Variants in CDC42 observed in about 807,000 individuals in gnomAD.
CDC42 encodes cell division control protein 42 homolog.
CDC42 carries 1 observed loss-of-function variant against 20.8 expected under a neutral mutation model. That is an observed-to-expected ratio of 0.05 (90% CI 0.02 to 0.23). CDC42 has a LOEUF of 0.23. Ranked by LOEUF, CDC42 falls within the 10% of genes least tolerant of loss-of-function variation. The pLI is 1.00. For missense variants in CDC42, 49 were observed against 227.9 expected (o/e 0.21, Z 5.05); for synonymous variants, 72 against 84.8 (o/e 0.85, Z 0.83).
Position 22,097,651 on chromosome 1 carries a change from G to A in CDC42, c.*6134G>A, listed in dbSNP as rs1645766515. Among the ~76,000 whole-genome samples, 1 of 152,208 alleles carries A rather than the reference G, an allele frequency of 6.6e-6. No individual in the cohort carries two copies. Among genetic ancestry groups the A allele is most frequent in the Non-Finnish European group, 1.5e-5 (1 of 68,040 alleles). ...GCACTTCTTGTTTTGCTGCCATCAG[G>A]TAATTTGTGCATTAGAACTAGCTTG... On this transcript the variant is annotated 3_prime_UTR_variant, in exon 6 of 6. Coordinates refer to ENST00000656825, the MANE Select transcript of CDC42 (RefSeq NM_001791.4).
At chr1:22,083,539 A>G (rs1362948791) in intron 3 of CDC42, among the ~76,000 whole-genome samples, 1 of 151,792 alleles carries the variant, frequency 6.6e-6, no homozygotes, top group African/African-American at 2.4e-5. Context: ...CAGGGGGCGG[A>G]GGTTGCAGTG....
chr1:22,055,879 T>TC (rs1405480463), intron 1 of CDC42, among the ~76,000 whole-genome samples: 2 of 150,860 alleles, frequency 1.3e-5, no homozygotes, highest in South Asian at 2.1e-4. Flanking sequence ...TTTTTTTTTT[T>TC]TTTTTTTGAG....
At chr1:22,083,759 G>T (rs1455526399) in intron 3 of CDC42, among the ~76,000 whole-genome samples, 1 of 152,096 alleles carries the variant, frequency 6.6e-6, no homozygotes, top group East Asian at 1.9e-4. Context: ...AAAATTATTT[G>T]ACCATATATG....
intron 1 of CDC42, among the ~76,000 whole-genome samples, chr1:22,058,393 A>T (rs200591008): frequency 6.6e-6 from 1 of 152,196 alleles, no homozygotes; most frequent in Non-Finnish European, 1.5e-5. Context: ...AATCTGAAGC[A>T]TATTTAGTTT....
intron 1 of CDC42, chr1:22,064,328 GTCAC>G (rs1645398220): frequency 6.8e-6 from 1 of 146,672 alleles, no homozygotes; most frequent in African/African-American, 2.5e-5. Flanking sequence ...GTCTCGCTCT[GTCAC>G]TCAAGCTGGA....
In CDC42 at chr1:22,093,774, G is replaced by A. The variant is rs1014391500; in HGVS notation, c.*2257G>A. Among the ~76,000 whole-genome samples the A allele has an allele frequency of 6.6e-6, 1 of 152,224 alleles. No homozygotes were observed. Among genetic ancestry groups the A allele is most frequent in the South Asian group, 2.1e-4 (1 of 4,832 alleles). ...CCTGGATCATGTGATACCCTGGAAA[G>A]CAGGGACATATGTATCCTTAGTGTA... is the stretch of plus-strand genomic sequence containing the variant. On this transcript the variant is annotated 3_prime_UTR_variant, in exon 6 of 6. Transcript: ENST00000656825.
Position 22,093,802 on chromosome 1 carries a change from CAGGGGCGTAT to C in CDC42, c.*2289_*2298del, listed in dbSNP as rs1645737721. The stretch of plus-strand genomic sequence containing the variant: ...GGGACATATGTATCCTTAGTGTAGT[CAGGGGCGTAT>C]AGGTCCTTGACTATTGCTATATCTT... On this transcript the variant is annotated 3_prime_UTR_variant, in exon 6 of 6. Coordinates refer to ENST00000656825, the MANE Select transcript of CDC42 (RefSeq NM_001791.4). Among the ~76,000 whole-genome samples the C allele has an allele frequency of 6.6e-6, 1 of 152,134 alleles. No homozygotes were observed. Among genetic ancestry groups the C allele is most frequent in the South Asian group, 2.1e-4 (1 of 4,828 alleles).
In CDC42 at chr1:22,097,963, G is replaced by C. The variant is rs6688182; in HGVS notation, c.*6446G>C. 0.18 allele frequency among the ~76,000 whole-genome samples: 26,741 copies of C among 152,110 alleles called. 2,921 individuals are homozygous for C. Among genetic ancestry groups the C allele is most frequent in the African/African-American group, 0.3 (12,461 of 41,468 alleles). ...GAAGTAGAAGTGACAGATTTTCAAGGCTAAGGTAAGTATAGCATTTTCTCA... is the reference window on the plus strand; with the variant it reads ...GAAGTAGAAGTGACAGATTTTCAAGCCTAAGGTAAGTATAGCATTTTCTCA... On this transcript the variant is annotated 3_prime_UTR_variant, in exon 6 of 6. Transcript: ENST00000656825.
At position 22,098,220 on chromosome 1, in the gene CDC42, C is replaced by G. The variant is rs980840030; in HGVS notation, c.*6703C>G. Among the ~76,000 whole-genome samples the G allele has an allele frequency of 2.6e-5, 4 of 152,108 alleles. No homozygotes were observed. The highest frequency in any genetic ancestry group is 9.7e-5 in the African/African-American group (4 of 41,414). On this transcript the variant is annotated 3_prime_UTR_variant, in exon 6 of 6. Coordinates refer to ENST00000656825, the MANE Select transcript of CDC42 (RefSeq NM_001791.4). ...GCATTATTACTCCTAACAACGTGCC[C>G]TTTGGCAGGTAGCTTCCACTTTTCT... is the stretch of plus-strand genomic sequence containing the variant.
At chr1:22,067,413 C>T (rs756690608) in intron 1 of CDC42, among the ~76,000 whole-genome samples, 18 of 152,030 alleles carry the variant, frequency 1.2e-4, no homozygotes, top group South Asian at 2.1e-4. Context: ...CCTCCGCCTC[C>T]CAAGTTCGCT....
chr1:22,091,416 A>T lies in CDC42; in HGVS notation c.487-12A>T, dbSNP rs746524195. ...ATCAGACCGCCCATTTTTTCTTTCT[A>T]CCCCTTTTCAGAAAGGCCTAAAGAA... On this transcript the variant is annotated splice_polypyrimidine_tract_variant and intron_variant, in intron 5 of 5. Coordinates refer to ENST00000656825, the MANE Select transcript of CDC42 (RefSeq NM_001791.4). 1.6e-5 allele frequency: 25 copies of T among 1,580,492 alleles called. No individual in the cohort carries two copies. The highest frequency in any genetic ancestry group is 2.2e-5 in the Non-Finnish European group (25 of 1,155,742).
intron 1 of CDC42, among the ~76,000 whole-genome samples, chr1:22,076,319 G>A (rs954520621): frequency 3.9e-5 from 6 of 152,058 alleles, no homozygotes; most frequent in Admixed American, 2.0e-4. Context: ...TTATCCAGGC[G>A]TGGTGGCATG....
chr1:22,067,074 AC>A (rs1349095181), intron 1 of CDC42, among the ~76,000 whole-genome samples: 1 of 152,098 alleles, frequency 6.6e-6, no homozygotes, highest in Admixed American at 6.6e-5. Context: ...GAGGTAAGAG[AC>A]CTGTGTAGCT....
chr1:22,055,460 T>C lies in CDC42; in HGVS notation c.-51+2718T>C, dbSNP rs374524305. On this transcript the variant is annotated intron_variant, in intron 1 of 5. Coordinates refer to ENST00000656825, the MANE Select transcript of CDC42 (RefSeq NM_001791.4). Reference sequence around the variant, plus strand: ...CTAAGGCAGATGTTATAGCCTAGAGTAGTATAGGGAGTTAAAAAAAAAATT... The same window carrying C: ...CTAAGGCAGATGTTATAGCCTAGAGCAGTATAGGGAGTTAAAAAAAAAATT... Among the ~76,000 whole-genome samples, 8 of 150,912 alleles carry C rather than the reference T, an allele frequency of 5.3e-5. 1 individual carries two copies. Among genetic ancestry groups the C allele is most frequent in the African/African-American group, 1.9e-4 (8 of 41,076 alleles).
chr1:22,069,753 C>T (rs1192349564), intron 1 of CDC42, among the ~76,000 whole-genome samples: 9 of 151,654 alleles, frequency 5.9e-5, no homozygotes, highest in South Asian at 2.1e-4. Flanking sequence ...AGGCGTGAGC[C>T]GCCACACCCA....
At chr1:22,058,600 A>C (rs1645329124) in intron 1 of CDC42, among the ~76,000 whole-genome samples, 1 of 150,924 alleles carries the variant, frequency 6.6e-6, no homozygotes, top group Non-Finnish European at 1.5e-5. Context: ...CTCCTGCCTC[A>C]ACCTCCCGAG....
In CDC42 at chr1:22,054,917, ATATATTTTTTTTTTTTTTTTTTTTTTTT is replaced by A. The variant is rs1557890157; in HGVS notation, c.-51+2177_-51+2204del. Among the ~76,000 whole-genome samples, 79 of 12,294 alleles carry A rather than the reference ATATATTTTTTTTTTTTTTTTTTTTTTTT, an allele frequency of 6.4e-3. 1 individual carries two copies. The East Asian group carries it at 0.15, about 24-fold the overall frequency. 8.1% of individuals were successfully genotyped at this position (12,294 alleles called of 152,430 possible). A position where few individuals can be genotyped will look rare whatever the true frequency, so the allele number is the denominator to read the frequency against. On this transcript the variant is annotated intron_variant, in intron 1 of 5. Transcript: ENST00000656825. Reference sequence around the variant, plus strand: ...TATATATATATATATATATATATATATATATTTTTTTTTTTTTTTTTTTTTTTTTTTTTTTTTTTTTTTTTTTTTTTTT... The same window carrying A: ...TATATATATATATATATATATATATATTTTTTTTTTTTTTTTTTTTTTTTT...
chr1:22,091,794 T>TTTTG lies in CDC42; in HGVS notation c.*280_*281insGTTT, dbSNP rs1553196604. ...AAAAAAAAATTTTTGTGTGTGTGTG[T>TTTTG]TTTTTTTTTTTTTTTTTTTGTTGTT... On this transcript the variant is annotated 3_prime_UTR_variant, in exon 6 of 6. Coordinates refer to ENST00000656825, the MANE Select transcript of CDC42 (RefSeq NM_001791.4). 1 of 156,662 alleles carries TTTTG rather than the reference T, an allele frequency of 6.4e-6. No homozygotes were observed. Among genetic ancestry groups the TTTTG allele is most frequent in the Non-Finnish European group, 1.2e-5 (1 of 83,064 alleles). 9.7% of individuals were successfully genotyped at this position (156,662 alleles called of 1,614,324 possible). A position where few individuals can be genotyped will look rare whatever the true frequency, so the allele number is the denominator to read the frequency against.
At chr1:22,082,875 A>ATTTTTTTTTTTTTTTTTTTTT (rs3036839) in intron 3 of CDC42, among the ~76,000 whole-genome samples, 7 of 140,212 alleles carry the variant, frequency 5.0e-5, no homozygotes, top group Non-Finnish European at 7.6e-5. Flanking sequence ...CACAGAGAAA[A>ATTTTTTTTTTTTTTTTTTTTT]TTTTTATTTT....
Sources: gnomAD v4.1 joint callset for allele counts (sites outside exome capture counted in the v4.1 genomes callset) on GRCh38, gnomAD v4.1.1 for gene constraint, MANE v1.5 for transcripts, NCBI Gene and HGNC (gene_info 2026-07-23, HGNC 2026-07-21) for gene names.